MBTPS2: variants seen among roughly 807,000 people sequenced by gnomAD.
MBTPS2 encodes membrane-bound transcription factor site-2 protease.
A neutral mutation model predicts 35.4 loss-of-function variants in MBTPS2; 2 were observed. The ratio of observed to expected loss-of-function variants is 0.06; its 90% CI spans 0.02 to 0.18. MBTPS2 has a LOEUF of 0.18. Ranked by LOEUF, MBTPS2 falls within the 10% of genes least tolerant of loss-of-function variation. MBTPS2 has a pLI of 1.00. For synonymous variants in MBTPS2, 125 were observed against 140.4 expected, an observed-to-expected ratio of 0.89 and a Z score of 0.77; for missense variants, 244 against 386.5, an observed-to-expected ratio of 0.63 and a Z score of 3.09.
intron 5 of MBTPS2, among the ~76,000 whole-genome samples, chrX:21,866,701 C>T (rs1602148361): frequency 9.0e-6 from 1 of 111,117 alleles, no homozygotes; most frequent in Non-Finnish European, 1.9e-5. Context: ...GGATTTACCC[C>T]TAGTTATTGC....
Position 21,878,098 on chromosome X carries a change from G to A in MBTPS2, c.1027G>A (p.Val343Met). ...ECCNNHSLTD[V>M]CFSYRNNFNK... ...CTGTAACAATCACAGCCTCACAGAT[G>A]TGTGCTTTTCCTACAGAAATAATTT... The change falls in exon 8 of 11, where the codon GTG becomes ATG. Residue 343 changes from valine to methionine, a missense_variant. By Grantham distance (21) the Val-to-Met change is conservative (BLOSUM62 1). Transcript: ENST00000379484. 8.3e-7 allele frequency: 1 copy of A among 1,208,496 alleles called. No homozygotes were observed. The highest frequency in any genetic ancestry group is 1.8e-5 in the South Asian group (1 of 56,940).
intron 10 of MBTPS2, 73 bp from the exon 11 acceptor site, chrX:21,882,360 A>G (rs1185752919): frequency 1.3e-6 from 1 of 771,757 alleles, no homozygotes; most frequent in Non-Finnish European, 2.0e-6. Flanking sequence ...ACAGTAAAAT[A>G]TCTTCTGACT....
chrX:21,867,222 C>T (rs2092941301), intron 5 of MBTPS2, among the ~76,000 whole-genome samples: 1 of 111,195 alleles, frequency 9.0e-6, no homozygotes, highest in South Asian at 3.7e-4. Context: ...AATGGAAATT[C>T]CAGAAGCAAG....
At chrX:21,864,885 T>C (rs1303267707) in intron 5 of MBTPS2, among the ~76,000 whole-genome samples, 14 of 104,658 alleles carry the variant, frequency 1.3e-4, no homozygotes, top group African/African-American at 4.2e-4. Context: ...TCTTTCTTTT[T>C]TTTTTTTTTT....
At position 21,883,446 on chromosome X, in the gene MBTPS2, T is replaced by G; in HGVS notation, c.*791T>G. 1.3e-6 allele frequency: 1 copy of G among 754,586 alleles called. No homozygotes were observed. Among genetic ancestry groups the G allele is most frequent in the South Asian group, 6.7e-5 (1 of 14,839 alleles). 62.2% of individuals were successfully genotyped at this position (754,586 alleles called of 1,213,427 possible). The stretch of plus-strand genomic sequence containing the variant: ...GGCAGTTGGGGTTGAACTTCGGAAC[T>G]AGGCCGGGTCTCCTGACAGATCACA... On this transcript the variant is annotated 3_prime_UTR_variant, in exon 11 of 11. Transcript: ENST00000379484.
Position 21,884,686 on chromosome X carries a change from T to C in MBTPS2, c.*2031T>C, listed in dbSNP as rs2092962806. ...CTTCTTTAGCTTGGTTGTGGGCACT[T>C]CTACAGCAAGGACCATATCATATTC... On this transcript the variant is annotated 3_prime_UTR_variant, in exon 11 of 11. Transcript: ENST00000379484. 1.4e-6 allele frequency: 1 copy of C among 715,915 alleles called. No individual in the cohort carries two copies. Among genetic ancestry groups the C allele is most frequent in the African/African-American group, 2.3e-5 (1 of 42,577 alleles). 59.0% of individuals were successfully genotyped at this position (715,915 alleles called of 1,213,427 possible). A position where few individuals can be genotyped will look rare whatever the true frequency, so the allele number is the denominator to read the frequency against.
intron 7 of MBTPS2, chrX:21,870,831 C>T (rs1031148805): frequency 8.5e-5 from 6 of 70,628 alleles, no homozygotes; most frequent in Non-Finnish European, 1.9e-4. Flanking sequence ...GAAAAATCAG[C>T]TTCCCAATTC....
At position 21,884,365 on chromosome X, in the gene MBTPS2, A is replaced by T. The variant is rs748942233; in HGVS notation, c.*1710A>T. ...GCTTGGAGAATGCCATGAAATACTT[A>T]TATAATTAATTTGATTGCATGAACT... On this transcript the variant is annotated 3_prime_UTR_variant, in exon 11 of 11. Coordinates refer to ENST00000379484, the MANE Select transcript of MBTPS2 (RefSeq NM_015884.4). 2.9e-5 allele frequency: 19 copies of T among 666,615 alleles called. No homozygotes were observed. The highest frequency in any genetic ancestry group is 3.0e-5 in the Non-Finnish European group (17 of 560,176). The allele number at this position is 666,615 out of a possible 1,213,427, so 54.9% of individuals were successfully genotyped here.
intron 5 of MBTPS2, among the ~76,000 whole-genome samples, chrX:21,865,517 A>C (rs758442081): frequency 7.1e-5 from 8 of 112,469 alleles, no homozygotes; most frequent in Non-Finnish European, 1.3e-4. Flanking sequence ...AATCCTTCTT[A>C]AATATTGAAA....
At chrX:21,866,842 C>T (rs1290672522) in intron 5 of MBTPS2, among the ~76,000 whole-genome samples, 1 of 109,534 alleles carries the variant, frequency 9.1e-6, no homozygotes, top group Non-Finnish European at 1.9e-5. Flanking sequence ...GTCTGGCCAA[C>T]ATGGTGAAAC....
At chrX:21,851,701 T>C (rs1371630857) in intron 4 of MBTPS2, 89 bp downstream of exon 4, 3 of 632,112 alleles carry the variant, frequency 4.7e-6, no homozygotes, top group Admixed American at 4.5e-5. Flanking sequence ...CTATATTTGA[T>C]ACTTCACTAT....
At chrX:21,869,368 G>T (rs1207829619) in intron 6 of MBTPS2, 130 bp from the exon 7 acceptor site, 1 of 553,233 alleles carries the variant, frequency 1.8e-6, no homozygotes, top group Non-Finnish European at 3.2e-6. Context: ...ACTATGTCTT[G>T]AATTCAAAGC....
At chrX:21,842,042 C>T (rs2092903199) in intron 1 of MBTPS2, 2 of 112,190 alleles carry the variant, frequency 1.8e-5, no homozygotes, top group Non-Finnish European at 3.8e-5. Flanking sequence ...CAAACAGCTA[C>T]CTATATTCAG....
chrX:21,859,961 G>C lies in MBTPS2; in HGVS notation c.670+6458G>C, dbSNP rs1021692885. ...TAAAAAAATTAGCTGAGTGTGGGGCGCACACCTGTGGTCCTAGCTACTCAG... is the reference window on the plus strand; with the variant it reads ...TAAAAAAATTAGCTGAGTGTGGGGCCCACACCTGTGGTCCTAGCTACTCAG... On this transcript the variant is annotated intron_variant, in intron 5 of 10. Coordinates refer to ENST00000379484, the MANE Select transcript of MBTPS2 (RefSeq NM_015884.4). 2.7e-5 allele frequency among the ~76,000 whole-genome samples: 3 copies of C among 110,313 alleles called. No homozygotes were observed. The Admixed American group carries it at 2.9e-4, about 11-fold the overall frequency.
chrX:21,858,567 G>GC (rs2052810384), intron 5 of MBTPS2: 2 of 122,833 alleles, frequency 1.6e-5, no homozygotes, highest in African/African-American at 3.3e-5. Flanking sequence ...TGCACAGACA[G>GC]CCCCACGAAA....
At chrX:21,842,773 T>TCG (rs1338757732) in intron 1 of MBTPS2, among the ~76,000 whole-genome samples, 1 of 112,294 alleles carries the variant, frequency 8.9e-6, no homozygotes. Flanking sequence ...ACAACACTGT[T>TCG]CTAAGCAGGG....
intron 7 of MBTPS2, among the ~76,000 whole-genome samples, chrX:21,877,555 C>T (rs1000090214): frequency 9.8e-5 from 11 of 111,804 alleles, no homozygotes; most frequent in African/African-American, 3.6e-4. Flanking sequence ...TTGGGCATCT[C>T]TGGTTCTCTA....
intron 2 of MBTPS2, among the ~76,000 whole-genome samples, chrX:21,844,186 CTGATGAAGAAAAA>C (rs2092905979): frequency 9.2e-6 from 1 of 108,117 alleles, no homozygotes; most frequent in African/African-American, 3.4e-5. Flanking sequence ...CCTACCATGA[CTGATGAAGAAAAA>C]AGAAACGTAA....
chrX:21,871,390 A>G (rs1210749714), intron 7 of MBTPS2: 4 of 111,981 alleles, frequency 3.6e-5, no homozygotes, highest in African/African-American at 1.3e-4. Flanking sequence ...ACGAGCCCAC[A>G]TGTATCTTTC....
Sources: gnomAD v4.1 joint callset for allele counts (sites outside exome capture counted in the v4.1 genomes callset) on GRCh38, gnomAD v4.1.1 for gene constraint, MANE v1.5 for transcripts, NCBI Gene and HGNC (gene_info 2026-07-23, HGNC 2026-07-21) for gene names.